The following SPATA16 variants were observed in gnomAD, a reference collection of about 807,000 sequenced individuals.
SPATA16 encodes the protein spermatogenesis-associated protein 16.
SPATA16 carries 36 observed loss-of-function variants against 63.3 expected under a neutral mutation model. The ratio of observed to expected loss-of-function variants is 0.57; its 90% CI spans 0.44 to 0.75. SPATA16 has a LOEUF of 0.75. SPATA16 is among the 30% of genes least tolerant of loss of function. SPATA16 has a pLI of 0.00. For synonymous variants in SPATA16, 203 were observed against 216.7 expected, an observed-to-expected ratio of 0.94 and a Z score of 0.56; for missense variants, 646 against 679.3, an observed-to-expected ratio of 0.95 and a Z score of 0.54.
In SPATA16 at chr3:172,905,585, A is replaced by G. The variant is rs188159312; in HGVS notation, c.1587+8076T>C. Among the ~76,000 whole-genome samples the G allele has an allele frequency of 3.5e-3, 530 of 152,314 alleles. 3 individuals carry two copies. The highest frequency in any genetic ancestry group is 5.7e-3 in the Non-Finnish European group (385 of 68,022). ...CTACCTCAACAGTCTTGAACAGAAC[A>G]GAGTTGCTAAGTAACATGTAACTCC... On this transcript the variant is annotated intron_variant, in intron 10 of 10. Transcript: ENST00000351008.
At chr3:172,980,833 G>T (rs949654136) in intron 4 of SPATA16, among the ~76,000 whole-genome samples, 3 of 152,084 alleles carry the variant, frequency 2.0e-5, no homozygotes, top group African/African-American at 7.2e-5. Context: ...ATTATCACCT[G>T]AATTCTTCCC....
intron 6 of SPATA16, among the ~76,000 whole-genome samples, chr3:172,951,171 A>G (rs1733421128): frequency 6.6e-6 from 1 of 152,150 alleles, no homozygotes; most frequent in South Asian, 2.1e-4. Flanking sequence ...TTAAATAATA[A>G]AAATGGATAG....
intron 6 of SPATA16, among the ~76,000 whole-genome samples, chr3:172,933,503 A>C (rs1732915014): frequency 6.6e-6 from 1 of 152,158 alleles, no homozygotes; most frequent in Non-Finnish European, 1.5e-5. Flanking sequence ...GAGATTTGAG[A>C]TCTGTAATGG....
At position 173,049,041 on chromosome 3, in the gene SPATA16, A is replaced by G. The variant is rs1736019741; in HGVS notation, c.666T>C (p.Asp222=). ...LGEPFDAPAE[D]IASVASFIET... is the part of the protein sequence containing the mutation. The stretch of plus-strand genomic sequence containing the variant: ...CAATGAAACTTGCCACGCTTGCTAT[A>G]TCTTCAGCAGGTGCATCAAATGGTT... Residue 222 remains aspartate (D), a synonymous_variant, in exon 3 of 11, where the codon GAT becomes GAC. Transcript: ENST00000351008. 6.2e-7 allele frequency: 1 copy of G among 1,613,820 alleles called. No individual in the cohort carries two copies. The highest frequency in any genetic ancestry group is 8.5e-7 in the Non-Finnish European group (1 of 1,179,784).
intron 2 of SPATA16, among the ~76,000 whole-genome samples, chr3:173,088,688 G>A (rs1577168703): frequency 6.6e-6 from 1 of 152,184 alleles, no homozygotes; most frequent in Admixed American, 6.5e-5. Context: ...TGTGAAAAAT[G>A]AGTAAAGGAG....
chr3:172,925,428 A>T lies in SPATA16; in HGVS notation c.1146T>A (p.Tyr382Ter), dbSNP rs773140341. 12 of 1,613,842 alleles carry T rather than the reference A, an allele frequency of 7.4e-6. No individual in the cohort carries two copies. The Admixed American group carries it at 8.3e-5, about 11-fold the overall frequency. Residue 382 changes from tyrosine (Y) to a stop codon, truncating the protein, a stop_gained, in exon 7 of 11, where the codon TAT becomes TAA. Transcript: ENST00000351008. LOFTEE classifies it high-confidence loss of function. ...TGTTTTTGAACCCAAGAGTCAAGAG[A>T]TATTGTTGGGGAGGAAAAGATGACC... ...VDWSSFPPQQ[Y>*]LLTLGFKNKD...
At chr3:172,946,415 A>G (rs1577100679) in intron 6 of SPATA16, among the ~76,000 whole-genome samples, 1 of 152,102 alleles carries the variant, frequency 6.6e-6, no homozygotes, top group African/African-American at 2.4e-5. Flanking sequence ...GGCCTTGGCT[A>G]CTAGACAGTA....
chr3:173,119,760 C>T (rs1248742648), intron 1 of SPATA16, among the ~76,000 whole-genome samples: 1 of 126,720 alleles, frequency 7.9e-6, no homozygotes, highest in Non-Finnish European at 1.9e-5. Flanking sequence ...ACCCTGTTTC[C>T]TTTTCCTCTC....
In SPATA16 at chr3:173,002,222, T is replaced by C. The variant is rs369116349; in HGVS notation, c.848+17264A>G. ...TTTTTAAATATAGGGTAGGGTTATATAATTAAGAGAGTTTTTGGTAAACAC... is the reference window on the plus strand; with the variant it reads ...TTTTTAAATATAGGGTAGGGTTATACAATTAAGAGAGTTTTTGGTAAACAC... On this transcript the variant is annotated intron_variant, in intron 4 of 10. Coordinates refer to ENST00000351008, the MANE Select transcript of SPATA16 (RefSeq NM_031955.6). Among the ~76,000 whole-genome samples, 22 of 152,314 alleles carry C rather than the reference T, an allele frequency of 1.4e-4. 4 individuals carry two copies. Among genetic ancestry groups the C allele is most frequent in the South Asian group, 6.2e-4 (3 of 4,832 alleles).
At chr3:173,054,722 T>C (rs900975925) in intron 2 of SPATA16, among the ~76,000 whole-genome samples, 1 of 151,924 alleles carries the variant, frequency 6.6e-6, no homozygotes, top group African/African-American at 2.4e-5. Context: ...GCAACAAACC[T>C]GTACGTTCCG....
intron 2 of SPATA16, among the ~76,000 whole-genome samples, chr3:173,076,528 C>A (rs182941994): frequency 6.6e-6 from 1 of 152,018 alleles, no homozygotes; most frequent in East Asian, 1.9e-4. Flanking sequence ...GGGACAGTTT[C>A]ATCTCAGTAG....
In SPATA16 at chr3:172,916,976, A is replaced by C. The variant is rs189919498; in HGVS notation, c.1339-495T>G. On this transcript the variant is annotated intron_variant, in intron 8 of 10. Transcript: ENST00000351008. Reference sequence around the variant, plus strand: ...CCCAATAGCTTACATGAAACCTCTAAGCTCTGCTTTTATTTCCAGTTCTTA... The same window carrying C: ...CCCAATAGCTTACATGAAACCTCTACGCTCTGCTTTTATTTCCAGTTCTTA... Among the ~76,000 whole-genome samples, 20 of 152,338 alleles carry C rather than the reference A, an allele frequency of 1.3e-4. No homozygotes were observed. The East Asian group carries it at 3.1e-3, about 23-fold the overall frequency.
chr3:173,057,564 C>A (rs951784975), intron 2 of SPATA16, among the ~76,000 whole-genome samples: 1 of 152,098 alleles, frequency 6.6e-6, no homozygotes, highest in Non-Finnish European at 1.5e-5. Flanking sequence ...TCATTATTTA[C>A]TTTATAGTTC....
chr3:173,024,801 A>C (rs1194892301), intron 3 of SPATA16, among the ~76,000 whole-genome samples: 1 of 150,676 alleles, frequency 6.6e-6, no homozygotes, highest in African/African-American at 2.4e-5. Flanking sequence ...CTTATTAATC[A>C]ATATTTGTCC....
At chr3:172,925,259 G>T in intron 7 of SPATA16, 87 bp downstream of exon 7, 1 of 1,410,910 alleles carries the variant, frequency 7.1e-7, no homozygotes, top group East Asian at 2.3e-5. Flanking sequence ...AGATTAGAAG[G>T]AGTTAATTTT....
chr3:173,039,444 A>G (rs1473881287), intron 3 of SPATA16, among the ~76,000 whole-genome samples: 7 of 152,152 alleles, frequency 4.6e-5, no homozygotes, highest in Admixed American at 4.6e-4. Context: ...CATGGAAATC[A>G]AAAGCAAACA....
At chr3:173,062,817 T>C (rs1462911725) in intron 2 of SPATA16, among the ~76,000 whole-genome samples, 4 of 152,328 alleles carry the variant, frequency 2.6e-5, no homozygotes, top group Middle Eastern at 6.8e-3. Flanking sequence ...AAAACAGTTC[T>C]TCCTCAGATT....
chr3:172,988,977 TA>T (rs1734515722), intron 4 of SPATA16, among the ~76,000 whole-genome samples: 1 of 152,202 alleles, frequency 6.6e-6, no homozygotes, highest in African/African-American at 2.4e-5. Flanking sequence ...TGCTAATTTT[TA>T]TGAGTTACAT....
At chr3:173,043,568 G>A (rs941986336) in intron 3 of SPATA16, among the ~76,000 whole-genome samples, 2 of 151,854 alleles carry the variant, frequency 1.3e-5, no homozygotes, top group Non-Finnish European at 2.9e-5. Context: ...ATTTTGAAAA[G>A]AAAATACAGT....
Sources: gnomAD v4.1 joint callset for allele counts (sites outside exome capture counted in the v4.1 genomes callset) on GRCh38, gnomAD v4.1.1 for gene constraint, MANE v1.5 for transcripts, NCBI Gene and HGNC (gene_info 2026-07-23, HGNC 2026-07-21) for gene names.